The following NAALADL2 variants were observed in gnomAD, a reference collection of about 807,000 sequenced individuals.
NAALADL2 encodes the protein inactive N-acetylated-alpha-linked acidic dipeptidase-like protein 2.
In NAALADL2, 76 loss-of-function variants were observed where a neutral mutation model predicts 87.2. The observed-to-expected ratio is 0.87, with a 90% CI of 0.72 to 1.05. The LOEUF (loss-of-function observed/expected upper bound fraction) is 1.05, where lower values mean the gene tolerates loss of function less well. Ranked by LOEUF, NAALADL2 falls within the 50% of genes least tolerant of loss-of-function variation. The pLI is 0.00. For synonymous variants in NAALADL2, 354 were observed against 331.0 expected (o/e 1.07, Z -0.75); for missense variants, 1,089 against 945.8 (o/e 1.15, Z -1.99).
chr3:174,770,108 T>C (rs959596393), intron 3 of NAALADL2, among the ~76,000 whole-genome samples: 6 of 152,202 alleles, frequency 3.9e-5, no homozygotes, highest in African/African-American at 1.4e-4. Flanking sequence ...ATTGTAACTC[T>C]TACAGACACT....
At chr3:175,393,131 G>C (rs1034123510) in intron 5 of NAALADL2, among the ~76,000 whole-genome samples, 3 of 148,568 alleles carry the variant, frequency 2.0e-5, no homozygotes, top group Non-Finnish European at 4.5e-5. Flanking sequence ...AAAATTAGCC[G>C]GGCGCGGTGG....
At chr3:174,556,450 T>G (rs1001662105) in intron 2 of NAALADL2, among the ~76,000 whole-genome samples, 5 of 152,134 alleles carry the variant, frequency 3.3e-5, no homozygotes, top group Non-Finnish European at 7.4e-5. Context: ...GTAACTTTTT[T>G]TTTTCTTTTG....
intron 9 of NAALADL2, among the ~76,000 whole-genome samples, chr3:175,476,706 C>A (rs190132198): frequency 6.6e-6 from 1 of 152,122 alleles, no homozygotes; most frequent in African/African-American, 2.4e-5. Flanking sequence ...AATGCCACAG[C>A]TTTGTCTGCT....
intron 1 of NAALADL2, among the ~76,000 whole-genome samples, chr3:175,086,152 A>T (rs925226410): frequency 4.6e-5 from 7 of 152,208 alleles, no homozygotes; most frequent in African/African-American, 1.7e-4. Context: ...ATTTGGAATG[A>T]TAGAGGAAAA....
chr3:174,659,079 C>T (rs543297901), intron 2 of NAALADL2, among the ~76,000 whole-genome samples: 1 of 152,202 alleles, frequency 6.6e-6, no homozygotes, highest in East Asian at 1.9e-4. Context: ...GTGATTAATA[C>T]TAATGTTTAT....
intron 1 of NAALADL2, among the ~76,000 whole-genome samples, chr3:174,939,356 A>G (rs776234542): frequency 6.6e-6 from 1 of 151,916 alleles, no homozygotes; most frequent in Non-Finnish European, 1.5e-5. Flanking sequence ...ATTTTGTTCC[A>G]TTGGTCCATG....
At chr3:175,145,480 G>T (rs550215731) in intron 2 of NAALADL2, among the ~76,000 whole-genome samples, 1 of 152,040 alleles carries the variant, frequency 6.6e-6, no homozygotes, top group Non-Finnish European at 1.5e-5. Context: ...TTGGCTTGAC[G>T]AGCAATGGAT....
intron 4 of NAALADL2, among the ~76,000 whole-genome samples, chr3:175,317,352 A>G (rs200639856): frequency 2.4e-5 from 1 of 42,084 alleles, no homozygotes. Flanking sequence ...TTAGCACATT[A>G]AAAAAAAAAT....
chr3:174,869,953 G>C (rs543630230), intron 1 of NAALADL2, among the ~76,000 whole-genome samples: 1 of 133,890 alleles, frequency 7.5e-6, no homozygotes, highest in Non-Finnish European at 1.5e-5. Context: ...CCGAGATCAC[G>C]CCATTGCACC....
intron 10 of NAALADL2, among the ~76,000 whole-genome samples, chr3:175,611,818 A>C (rs1453000223): frequency 6.6e-6 from 1 of 152,192 alleles, no homozygotes; most frequent in Non-Finnish European, 1.5e-5. Context: ...TTGAGAGACA[A>C]ACTAAGCCAT....
chr3:174,852,549 G>A (rs1725369724), intron 3 of NAALADL2, among the ~76,000 whole-genome samples: 1 of 152,034 alleles, frequency 6.6e-6, no homozygotes, highest in African/African-American at 2.4e-5. Flanking sequence ...AAACATTGAT[G>A]AAAGAAATTG....
chr3:175,375,942 T>G (rs1050164936), intron 5 of NAALADL2, among the ~76,000 whole-genome samples: 22 of 152,248 alleles, frequency 1.4e-4, no homozygotes, highest in African/African-American at 4.1e-4. Flanking sequence ...CAGTGGTTGC[T>G]CTGTGGTTTA....
chr3:175,127,120 G>A (rs1353344757), intron 2 of NAALADL2, among the ~76,000 whole-genome samples: 1 of 151,968 alleles, frequency 6.6e-6, no homozygotes, highest in Non-Finnish European at 1.5e-5. Context: ...CCACTGCTCT[G>A]GGACACCGTT....
intron 1 of NAALADL2, among the ~76,000 whole-genome samples, chr3:174,889,625 G>T (rs7611695): frequency 0.36 from 55,168 of 151,354 alleles, 10,936 homozygotes; most frequent in African/African-American, 0.54. Context: ...GTATTTTATC[G>T]TATAATCCAA....
At chr3:174,558,742 C>T (rs919969224) in intron 2 of NAALADL2, among the ~76,000 whole-genome samples, 1 of 152,096 alleles carries the variant, frequency 6.6e-6, no homozygotes, top group Non-Finnish European at 1.5e-5. Flanking sequence ...TCCTAACAGG[C>T]CATGGACTGA....
chr3:175,203,229 C>G (rs1740332121), intron 2 of NAALADL2, among the ~76,000 whole-genome samples: 1 of 152,098 alleles, frequency 6.6e-6, no homozygotes, highest in Non-Finnish European at 1.5e-5. Context: ...CCCCTCACCC[C>G]ACTCCTCTGG....
At chr3:174,642,194 T>C (rs1723265858) in intron 2 of NAALADL2, among the ~76,000 whole-genome samples, 1 of 151,868 alleles carries the variant, frequency 6.6e-6, no homozygotes, top group Non-Finnish European at 1.5e-5. Context: ...AAATTAATTA[T>C]TGTAAAAAAA....
intron 3 of NAALADL2, among the ~76,000 whole-genome samples, chr3:174,771,010 C>T (rs544343746): frequency 6.6e-6 from 1 of 152,192 alleles, no homozygotes; most frequent in African/African-American, 2.4e-5. Flanking sequence ...TGATAAGTTT[C>T]AGTCTGAGCT....
At chr3:175,698,609 A>G (rs113011739) in intron 11 of NAALADL2, among the ~76,000 whole-genome samples, 183 of 150,394 alleles carry the variant, frequency 1.2e-3, no homozygotes, top group African/African-American at 4.2e-3. Flanking sequence ...TAAAGAGTTC[A>G]ATACAGCCCA....
Sources: allele counts gnomAD v4.1 joint callset (sites outside exome capture counted in the v4.1 genomes callset), GRCh38; gene constraint gnomAD v4.1.1; transcripts MANE v1.5; gene names NCBI Gene and HGNC (gene_info 2026-07-23, HGNC 2026-07-21).